The following RPS6KA2 variants were observed in gnomAD, a reference collection of about 807,000 sequenced individuals.
The protein encoded by RPS6KA2 is ribosomal protein S6 kinase A2, also known as ribosomal protein S6 kinase alpha-2.
A neutral mutation model predicts 91.8 loss-of-function variants in RPS6KA2; 42 were observed. That is an observed-to-expected ratio of 0.46 (90% CI 0.36 to 0.59). The LOEUF (loss-of-function observed/expected upper bound fraction) is 0.59, where lower values mean the gene tolerates loss of function less well. Among genes scored for constraint, RPS6KA2 ranks in the 20% least tolerant of loss-of-function variants. RPS6KA2 has a pLI of 0.00. For missense variants in RPS6KA2, 798 were observed against 978.5 expected, an observed-to-expected ratio of 0.82 and a Z score of 2.46; for synonymous variants, 414 against 393.6, an observed-to-expected ratio of 1.05 and a Z score of -0.61.
chr6:166,845,112 AAAG>A (rs1451543636), intron 2 of RPS6KA2, among the ~76,000 whole-genome samples: 2 of 152,222 alleles, frequency 1.3e-5, no homozygotes, highest in African/African-American at 2.4e-5. Flanking sequence ...TTAAAAAGAC[AAAG>A]AAGGACATTA....
chr6:166,528,457 A>G (rs1394057875), intron 3 of RPS6KA2, among the ~76,000 whole-genome samples: 1 of 151,706 alleles, frequency 6.6e-6, no homozygotes, highest in Non-Finnish European at 1.5e-5. Flanking sequence ...ACCTAAAACC[A>G]TAAAAACCCT....
intron 10 of RPS6KA2, among the ~76,000 whole-genome samples, chr6:166,486,238 C>G (rs1424541561): frequency 3.0e-5 from 4 of 133,538 alleles, no homozygotes; most frequent in East Asian, 5.3e-4. Context: ...AAGCCATGAA[C>G]CCCACACACA....
chr6:166,726,880 T>G lies in RPS6KA2; in HGVS notation c.123+131320A>C, dbSNP rs2128587250. Among the ~76,000 whole-genome samples, 1 of 152,272 alleles carries G rather than the reference T, an allele frequency of 6.6e-6. No individual in the cohort carries two copies. The highest frequency in any genetic ancestry group is 2.1e-4 in the South Asian group (1 of 4,824). On this transcript the variant is annotated intron_variant, in intron 2 of 21. Coordinates refer to the RPS6KA2 transcript ENST00000503859. The surrounding 1 kb of genome is among the most constrained non-coding windows in gnomAD (Gnocchi z 4.4). ...GGCGGGTGGGGAGGAATCCCAGGCC[T>G]GGAATCTACCGTCCTGGGTGCTGTC...
chr6:166,674,101 G>A (rs1281839289), intron 2 of RPS6KA2, among the ~76,000 whole-genome samples: 1 of 152,188 alleles, frequency 6.6e-6, no homozygotes, highest in Non-Finnish European at 1.5e-5. Context: ...TTGTGTACTG[G>A]TACTCTTAGA....
chr6:166,802,647 C>A (rs1345434998), intron 2 of RPS6KA2, among the ~76,000 whole-genome samples: 1 of 152,150 alleles, frequency 6.6e-6, no homozygotes. Flanking sequence ...TGGGCTCCCC[C>A]AGTTTGCAGC....
intron 1 of RPS6KA2, among the ~76,000 whole-genome samples, chr6:166,623,278 T>TA (rs5881702): frequency 0.22 from 33,208 of 152,238 alleles, 3,900 homozygotes; most frequent in African/African-American, 0.32. Context: ...TTAATTAGTT[T>TA]AAATGTACAT....
Position 166,419,941 on chromosome 6 carries a change from G to A in RPS6KA2, c.1761C>T (p.Gly587=). The change falls in exon 18 of 21, where the codon GGC becomes GGT. Residue 587 remains glycine, a synonymous_variant. Coordinates refer to ENST00000265678, the MANE Select transcript of RPS6KA2 (RefSeq NM_021135.6). The surrounding 1 kb of genome is among the most constrained non-coding windows in gnomAD (Gnocchi z 5.6). ...TCCAGATGTCACACGCCGCATCATA[G>A]CCTTGACGCTTCAGGACCTAGGAGG... ...FVAPEVLKRQ[G]YDAACDIWSL... The A allele has an allele frequency of 6.2e-7, 1 of 1,613,828 alleles. No individual in the cohort carries two copies. The highest frequency in any genetic ancestry group is 1.1e-5 in the South Asian group (1 of 91,082).
intron 11 of RPS6KA2, chr6:166,462,842 C>T (rs6931100): frequency 0.053 from 8,018 of 152,380 alleles, 693 homozygotes; most frequent in African/African-American, 0.18. Flanking sequence ...TGAGAGTGGA[C>T]GGAGCGCTTG....
intron 1 of RPS6KA2, among the ~76,000 whole-genome samples, chr6:166,619,871 C>T (rs1356053654): frequency 6.6e-6 from 1 of 152,236 alleles, no homozygotes; most frequent in African/African-American, 2.4e-5. Context: ...AAATTGGGAC[C>T]TGTGCGAGCT....
At chr6:166,704,531 C>T (rs1263598226) in intron 2 of RPS6KA2, among the ~76,000 whole-genome samples, 1 of 152,226 alleles carries the variant, frequency 6.6e-6, no homozygotes, top group Non-Finnish European at 1.5e-5. Flanking sequence ...CAGGTCTGTG[C>T]TATAACACAA....
In RPS6KA2 at chr6:166,814,659, C is replaced by T. The variant is rs1178870381; in HGVS notation, c.123+43541G>A. On this transcript the variant is annotated intron_variant, in intron 2 of 21. Transcript: ENST00000503859. ...ATCGCTCACATTACTGCCTGAGCTT[C>T]GCCACCTGTCAGGTCAGTGGCAGCA... Among the ~76,000 whole-genome samples the T allele has an allele frequency of 2.0e-5, 3 of 152,092 alleles. No individual in the cohort carries two copies. The East Asian group carries it at 5.8e-4, about 29-fold the overall frequency.
chr6:166,499,360 T>G (rs954696207), intron 7 of RPS6KA2, among the ~76,000 whole-genome samples: 17 of 152,334 alleles, frequency 1.1e-4, no homozygotes, highest in African/African-American at 3.8e-4. Flanking sequence ...AGAGAGGCCA[T>G]GTCCTTGCCC....
chr6:166,771,150 T>C (rs1778459928), intron 2 of RPS6KA2, among the ~76,000 whole-genome samples: 1 of 152,180 alleles, frequency 6.6e-6, no homozygotes, highest in Admixed American at 6.5e-5. Flanking sequence ...ACTTTTAAAA[T>C]TTAGCCAAAG....
chr6:166,792,643 A>T (rs962563150), intron 2 of RPS6KA2, among the ~76,000 whole-genome samples: 3 of 151,906 alleles, frequency 2.0e-5, no homozygotes, highest in African/African-American at 7.3e-5. Flanking sequence ...GCACATCAAA[A>T]CTCTTATCCA....
At chr6:166,688,545 A>C (rs562029074) in intron 2 of RPS6KA2, among the ~76,000 whole-genome samples, 50 of 152,320 alleles carry the variant, frequency 3.3e-4, no homozygotes, top group Admixed American at 1.6e-3. Context: ...GGTAAAACAA[A>C]ATCACTGGGT....
chr6:166,688,699 C>T (rs1003541539), intron 2 of RPS6KA2, among the ~76,000 whole-genome samples: 1 of 152,216 alleles, frequency 6.6e-6, no homozygotes, highest in Non-Finnish European at 1.5e-5. Flanking sequence ...AGCGTTGAAA[C>T]CGCAGTTGTG....
intron 1 of RPS6KA2, among the ~76,000 whole-genome samples, chr6:166,574,141 G>C (rs997814597): frequency 1.3e-5 from 2 of 152,038 alleles, no homozygotes; most frequent in African/African-American, 4.8e-5. Context: ...GGTGCAAGAG[G>C]GTTTTTTAAT....
intron 2 of RPS6KA2, among the ~76,000 whole-genome samples, chr6:166,839,689 A>AGAGGGGAGGG (rs1554262087): frequency 1.5e-4 from 1 of 6,786 alleles, no homozygotes; most frequent in Non-Finnish European, 3.3e-4. Flanking sequence ...GCAGGAGAGG[A>AGAGGGGAGGG]GAGGGGAGGA....
chr6:166,752,613 T>C (rs1215348934), intron 2 of RPS6KA2, among the ~76,000 whole-genome samples: 2 of 152,232 alleles, frequency 1.3e-5, no homozygotes, highest in Admixed American at 6.5e-5. Flanking sequence ...GGATGATTCT[T>C]GGTGTTAGAG....
Sources: gnomAD v4.1 joint callset for allele counts (sites outside exome capture counted in the v4.1 genomes callset) on GRCh38, gnomAD v4.1.1 for gene constraint, Gnocchi (gnomAD v3.1) non-coding constraint, MANE v1.5 for transcripts, NCBI Gene and HGNC (gene_info 2026-07-23, HGNC 2026-07-21) for gene names.